Variants in TEX2 observed in about 807,000 individuals in gnomAD.
TEX2 encodes testis expressed 2, also known as testis-expressed protein 2.
Under a neutral mutation model 106.9 loss-of-function variants are expected in TEX2, and 53 were observed. That is an observed-to-expected ratio of 0.50 (90% CI 0.40 to 0.62). The LOEUF (loss-of-function observed/expected upper bound fraction) is 0.62, where lower values mean the gene tolerates loss of function less well. TEX2 is among the 20% of genes least tolerant of loss of function. TEX2 has a pLI of 0.00. For missense variants in TEX2, 1,207 were observed against 1,379.0 expected (o/e 0.88, Z 1.98); for synonymous variants, 523 against 534.8 (o/e 0.98, Z 0.30).
chr17:64,172,544 C>T (rs957668709), intron 6 of TEX2, among the ~76,000 whole-genome samples: 6 of 152,014 alleles, frequency 3.9e-5, no homozygotes, highest in South Asian at 2.1e-4. Flanking sequence ...GGGAGGCACA[C>T]GGAGAAGAGT....
At chr17:64,244,212 C>T (rs1284406584) in intron 1 of TEX2, among the ~76,000 whole-genome samples, 3 of 152,106 alleles carry the variant, frequency 2.0e-5, no homozygotes, top group Non-Finnish European at 4.4e-5. Context: ...AGCTGGGAGC[C>T]ACTTGGGGTC....
At chr17:64,209,673 G>A (rs1751995143) in intron 2 of TEX2, among the ~76,000 whole-genome samples, 1 of 152,188 alleles carries the variant, frequency 6.6e-6, no homozygotes, top group Admixed American at 6.5e-5. Flanking sequence ...TGTCCTACAA[G>A]GCTCCACCAC....
intron 7 of TEX2, among the ~76,000 whole-genome samples, chr17:64,163,688 C>G (rs746327630): frequency 1.3e-4 from 20 of 152,126 alleles, no homozygotes; most frequent in Non-Finnish European, 2.8e-4. Context: ...GTCAGGAGGC[C>G]CCTGCCTTGC....
At chr17:64,167,602 T>G (rs1041187176) in intron 7 of TEX2, among the ~76,000 whole-genome samples, 21 of 152,208 alleles carry the variant, frequency 1.4e-4, no homozygotes, top group African/African-American at 5.1e-4. Context: ...GTGGATCACC[T>G]GAGGTCAGGA....
chr17:64,221,648 A>G (rs1555633318), intron 1 of TEX2, among the ~76,000 whole-genome samples: 1 of 152,236 alleles, frequency 6.6e-6, no homozygotes, highest in Non-Finnish European at 1.5e-5. Context: ...TAAAAATAGA[A>G]CTACCATATA....
intron 10 of TEX2, among the ~76,000 whole-genome samples, chr17:64,152,384 A>C (rs1032295742): frequency 1.3e-5 from 2 of 152,140 alleles, no homozygotes; most frequent in African/African-American, 4.8e-5. Context: ...AGGTGATTTT[A>C]ACATGCAGCT....
In TEX2 at chr17:64,195,156, A is replaced by T; in HGVS notation, c.1645-61T>A. 1 of 1,494,904 alleles carries T rather than the reference A, an allele frequency of 6.7e-7. No individual in the cohort carries two copies. The highest frequency in any genetic ancestry group is 2.3e-5 in the East Asian group (1 of 43,456). 92.6% of individuals were successfully genotyped at this position (1,494,904 alleles called of 1,614,324 possible). A position where few individuals can be genotyped will look rare whatever the true frequency, so the allele number is the denominator to read the frequency against. On this transcript the variant is annotated intron_variant, in intron 2 of 11. Coordinates refer to ENST00000584379, the MANE Select transcript of TEX2 (RefSeq NM_001288732.2). This position sits in a 1 kb window ranked among gnomAD's most constrained non-coding sequence, Gnocchi z 4.1. Reference sequence around the variant, plus strand: ...TAATCGCAAATCTGATTTAGTGTGAAATGATGAACACTGTGGTATTTGGGA... The same window carrying T: ...TAATCGCAAATCTGATTTAGTGTGATATGATGAACACTGTGGTATTTGGGA...
intron 1 of TEX2, among the ~76,000 whole-genome samples, chr17:64,248,184 G>C (rs1555636482): frequency 3.9e-5 from 6 of 152,208 alleles, no homozygotes; most frequent in Admixed American, 2.0e-4. Context: ...ACATACCTAA[G>C]TGCTTTATGT....
chr17:64,181,471 TCAAAAAAAAAAA>T (rs2031857134), intron 5 of TEX2, among the ~76,000 whole-genome samples: 1 of 117,434 alleles, frequency 8.5e-6, no homozygotes, highest in South Asian at 2.7e-4. Flanking sequence ...CAAGGCTATC[TCAAAAAAAAAAA>T]AAAAAAAAAA....
At position 64,213,085 on chromosome 17, in the gene TEX2, CT is replaced by C; in HGVS notation, c.1132del (p.Arg378GlufsTer3). On this transcript the variant is annotated frameshift_variant, in exon 2 of 12. Transcript: ENST00000584379. LOFTEE classifies it high-confidence loss of function. This position sits in a 1 kb window ranked among gnomAD's most constrained non-coding sequence, Gnocchi z 4.4. ...CTGGGAACTTTTCAGTTCTATCTCT[CT>C]TGTGGGCTCACCAGTGGACTTTGGG... ...DHPKSTGEPT[R>X]EIELKSSQGS... The C allele has an allele frequency of 6.2e-7, 1 of 1,614,240 alleles. No homozygotes were observed. Among genetic ancestry groups the C allele is most frequent in the Non-Finnish European group, 8.5e-7 (1 of 1,180,050 alleles).
intron 8 of TEX2, among the ~76,000 whole-genome samples, chr17:64,157,044 T>C (rs1389821121): frequency 6.6e-6 from 1 of 152,218 alleles, no homozygotes; most frequent in Non-Finnish European, 1.5e-5. Context: ...GAAAATCTGA[T>C]TTTGACCGAG....
intron 8 of TEX2, 71 bp downstream of exon 8, chr17:64,160,730 G>A (rs1248088432): frequency 3.8e-6 from 6 of 1,577,868 alleles, no homozygotes; most frequent in Non-Finnish European, 5.2e-6. Flanking sequence ...CATCAAATCT[G>A]CTTCTCAAAG....
intron 2 of TEX2, among the ~76,000 whole-genome samples, chr17:64,198,300 G>A (rs563616574): frequency 6.6e-6 from 1 of 151,142 alleles, no homozygotes; most frequent in East Asian, 1.9e-4. Flanking sequence ...AGAAAATACT[G>A]TCTTACATAT....
At position 64,171,127 on chromosome 17, in the gene TEX2, C is replaced by T. The variant is rs1000935540; in HGVS notation, c.2644G>A (p.Ala882Thr). 3.1e-6 allele frequency: 5 copies of T among 1,613,984 alleles called. No individual in the cohort carries two copies. Among genetic ancestry groups the T allele is most frequent in the Non-Finnish European group, 4.2e-6 (5 of 1,179,996 alleles). The change falls in exon 7 of 12, where the codon GCC (alanine) becomes ACC (threonine). Residue 882 changes from alanine to threonine, a missense_variant. Coordinates refer to ENST00000584379, the MANE Select transcript of TEX2 (RefSeq NM_001288732.2). ...TGGTGATCAACGTAAGGCTTGAAGGCCTGGAGGATTTTTGGCACAGCCACG... is the reference window on the plus strand; with the variant it reads ...TGGTGATCAACGTAAGGCTTGAAGGTCTGGAGGATTTTTGGCACAGCCACG... ...MGVAVPKILQ[A>T]FKPYVDHQGL...
intron 1 of TEX2, among the ~76,000 whole-genome samples, chr17:64,234,058 A>T (rs2033715493): frequency 6.6e-6 from 1 of 152,262 alleles, no homozygotes; most frequent in Admixed American, 6.5e-5. Context: ...AGCAGAGCAG[A>T]AGGCAGAAAT....
chr17:64,232,639 A>C (rs1211134523), intron 1 of TEX2, among the ~76,000 whole-genome samples: 1 of 152,196 alleles, frequency 6.6e-6, no homozygotes, highest in African/African-American at 2.4e-5. Context: ...TACCAGCTCC[A>C]GTAACAATAT....
At chr17:64,244,320 G>A (rs187832758) in intron 1 of TEX2, among the ~76,000 whole-genome samples, 6 of 151,638 alleles carry the variant, frequency 4.0e-5, no homozygotes, top group South Asian at 4.2e-4. Context: ...TGCCTAACCC[G>A]CTGGACCTCA....
At chr17:64,248,140 A>C (rs2143458339) in intron 1 of TEX2, among the ~76,000 whole-genome samples, 1 of 152,276 alleles carries the variant, frequency 6.6e-6, no homozygotes, top group African/African-American at 2.4e-5. Context: ...ACAATAAATA[A>C]CCAATCTATT....
intron 1 of TEX2, among the ~76,000 whole-genome samples, chr17:64,225,485 C>T (rs782086612): frequency 9.9e-5 from 15 of 151,966 alleles, no homozygotes; most frequent in Non-Finnish European, 2.2e-4. Flanking sequence ...TCTAAATGTG[C>T]TTGAATTTAT....
Sources: gnomAD v4.1 joint callset for allele counts (sites outside exome capture counted in the v4.1 genomes callset) on GRCh38, gnomAD v4.1.1 for gene constraint, Gnocchi (gnomAD v3.1) non-coding constraint, MANE v1.5 for transcripts, NCBI Gene and HGNC (gene_info 2026-07-23, HGNC 2026-07-21) for gene names.